CAPN3: variants seen among roughly 807,000 people sequenced by gnomAD.
CAPN3 encodes the protein calpain 3.
Under a neutral mutation model 114.0 loss-of-function variants are expected in CAPN3, and 88 were observed. That is an observed-to-expected ratio of 0.77 (90% CI 0.65 to 0.92). CAPN3 has a LOEUF of 0.92. Among genes scored for constraint, CAPN3 ranks in the 40% least tolerant of loss-of-function variants. The probability of loss-of-function intolerance (pLI) is 0.00; values close to 1 mark genes in which losing one functional copy is unlikely to be tolerated. For synonymous variants in CAPN3, 386 were observed against 382.9 expected (o/e 1.01, Z -0.09); for missense variants, 1,028 against 1,069.0 (o/e 0.96, Z 0.53).
chr15:42,390,790 G>GTTTTTTTTTTTTTTTTTTTTT (rs373599109), intron 6 of CAPN3, among the ~76,000 whole-genome samples: 14 of 110,274 alleles, frequency 1.3e-4, no homozygotes, highest in Non-Finnish European at 2.2e-4. Flanking sequence ...TTGTTTTTTT[G>GTTTTTTTTTTTTTTTTTTTTT]TTTTTTTTTT....
chr15:42,393,949 G>A (rs906982620), intron 7 of CAPN3, among the ~76,000 whole-genome samples: 1 of 151,998 alleles, frequency 6.6e-6, no homozygotes, highest in Non-Finnish European at 1.5e-5. Flanking sequence ...GTGTTAGCAG[G>A]GCCCTACTGT....
At position 42,405,025 on chromosome 15, in the gene CAPN3, T is replaced by TGC. The variant is rs2053978788; in HGVS notation, c.1783-900_1783-899insCG. 5.1e-6 allele frequency: 5 copies of TGC among 987,168 alleles called. No homozygotes were observed. In the South Asian group the frequency reaches 1.9e-4, roughly 37 times the overall value. 61.2% of individuals were successfully genotyped at this position (987,168 alleles called of 1,614,324 possible). A position where few individuals can be genotyped will look rare whatever the true frequency, so the allele number is the denominator to read the frequency against. On this transcript the variant is annotated intron_variant, in intron 14 of 23. Transcript: ENST00000397163. The stretch of plus-strand genomic sequence containing the variant: ...GACACAGTTGTCTGCAGTTCTCAAT[T>TGC]GACATTTCGCTCCAGTGTCGAGGGT...
chr15:42,389,022 G>T lies in CAPN3; in HGVS notation c.727G>T (p.Asp243Tyr), dbSNP rs756192789. ...GGVAEFFEIR[D>Y]APSDMYKIMK... ...GGTGGCAGAGTTTTTTGAGATCAGG[G>T]ATGCTCCTAGTGACATGTACAAGAT... Residue 243 changes from aspartate to tyrosine, a missense_variant, in exon 5 of 24, where the codon GAT becomes TAT. By Grantham distance (160) the Asp-to-Tyr change is radical. Transcript: ENST00000397163. 2.5e-6 allele frequency: 4 copies of T among 1,614,060 alleles called. No individual in the cohort carries two copies. The East Asian group carries it at 8.9e-5, about 36-fold the overall frequency.
intron 2 of CAPN3, chr15:42,385,557 GAGAA>G (rs1377846495): frequency 1.1e-3 from 459 of 436,778 alleles, no homozygotes; most frequent in African/African-American, 8.2e-3. Context: ...GAGAGAGAGA[GAGAA>G]AGAGAGCAAA....
At chr15:42,411,561 A>G (rs2054236844) in intron 23 of CAPN3, among the ~76,000 whole-genome samples, 186 bp from the exon 24 acceptor site, 1 of 151,920 alleles carries the variant, frequency 6.6e-6, no homozygotes, top group African/African-American at 2.4e-5. Flanking sequence ...GATGCGGGAA[A>G]ACATGCACCT....
chr15:42,384,736 A>G (rs958765831), intron 2 of CAPN3, among the ~76,000 whole-genome samples, 184 bp downstream of exon 2: 1 of 152,084 alleles, frequency 6.6e-6, no homozygotes, highest in African/African-American at 2.4e-5. Flanking sequence ...TTCCTCCTAC[A>G]TGCCTCTTTA....
intron 1 of CAPN3, among the ~76,000 whole-genome samples, chr15:42,373,826 T>A (rs2053017906): frequency 6.6e-6 from 1 of 152,158 alleles, no homozygotes; most frequent in African/African-American, 2.4e-5. Flanking sequence ...AACAATGGCA[T>A]GGAGCAGATT....
At chr15:42,406,093 C>A in intron 15 of CAPN3, 150 bp downstream of exon 15, 2 of 757,438 alleles carry the variant, frequency 2.6e-6, no homozygotes, top group South Asian at 1.5e-5. Flanking sequence ...TGGGGCCGAG[C>A]GTGCAGTAAT....
Position 42,402,807 on chromosome 15 carries a change from A to G in CAPN3, c.1550A>G (p.Lys517Arg), listed in dbSNP as rs2053910556. 1 of 1,614,060 alleles carries G rather than the reference A, an allele frequency of 6.2e-7. No homozygotes were observed. Among genetic ancestry groups the G allele is most frequent in the African/African-American group, 1.3e-5 (1 of 74,922 alleles). ...CCCATCTCTCAGATGCACGGGAACA[A>G]GCAGCACCTGCAGAAGGACTTCTTC... ...YEVPKEMHGN[K>R]QHLQKDFFLY... The change falls in exon 13 of 24, where the codon AAG (lysine) becomes AGG (arginine). Residue 517 changes from lysine (K) to arginine (R), a missense_variant. Lys to Arg is a conservative substitution (Grantham distance 26, BLOSUM62 2). Coordinates refer to ENST00000397163, the MANE Select transcript of CAPN3 (RefSeq NM_000070.3).
intron 6 of CAPN3, among the ~76,000 whole-genome samples, chr15:42,391,664 T>G (rs2053559674): frequency 6.6e-6 from 1 of 152,192 alleles, no homozygotes; most frequent in East Asian, 1.9e-4. Flanking sequence ...CTCATGGGAC[T>G]TTAGTGATCC....
At chr15:42,377,613 T>C (rs745405668) in intron 1 of CAPN3, among the ~76,000 whole-genome samples, 6 of 152,214 alleles carry the variant, frequency 3.9e-5, no homozygotes, top group Non-Finnish European at 2.9e-5. Flanking sequence ...ATAACAGATA[T>C]TGGTCTGTAG....
intron 16 of CAPN3, chr15:42,408,991 C>A: frequency 2.4e-6 from 1 of 421,454 alleles, no homozygotes; most frequent in South Asian, 2.3e-5. Flanking sequence ...CTGCGGGCAC[C>A]TTTAGTTGGA....
chr15:42,370,054 G>A (rs931600235), intron 1 of CAPN3, among the ~76,000 whole-genome samples: 5 of 151,822 alleles, frequency 3.3e-5, no homozygotes, highest in African/African-American at 1.2e-4. Context: ...TGTATTTTTA[G>A]TAGAGATGGG....
rs771263688 is a variant in CAPN3 at position 42,359,846 on chromosome 15, C to T, written c.41C>T (p.Ala14Val). The T allele has an allele frequency of 3.2e-5, 52 of 1,613,974 alleles. No homozygotes were observed. The highest frequency in any genetic ancestry group is 9.3e-5 in the African/African-American group (7 of 74,932). Reference protein sequence around the residue: ...VISASVAPRTAAEPRSPGPVP... With the variant: ...VISASVAPRTVAEPRSPGPVP... ...AGCGCATCTGTGGCTCCAAGGACAG[C>T]GGCTGAGCCCCGGTCCCCAGGGCCA... The change falls in exon 1 of 24, where the codon GCG (alanine) becomes GTG (valine). Residue 14 changes from alanine to valine, a missense_variant. Physicochemically the swap from Ala to Val is moderately conservative, Grantham distance 64. Transcript: ENST00000397163.
rs576776200 is a variant in CAPN3, at chr15:42,405,411, A to G, written c.1783-515A>G. On this transcript the variant is annotated intron_variant, in intron 14 of 23. Coordinates refer to ENST00000397163, the MANE Select transcript of CAPN3 (RefSeq NM_000070.3). ...CTGCAACCTCCGCCTCCCGGGTTCA[A>G]GCAATTCTCCTGCCTCAGCCTCCTG... Among the ~76,000 whole-genome samples the G allele has an allele frequency of 1.2e-4, 18 of 152,208 alleles. No homozygotes were observed. In the East Asian group the frequency reaches 3.3e-3, roughly 28 times the overall value.
intron 1 of CAPN3, among the ~76,000 whole-genome samples, chr15:42,368,160 C>T (rs2052837258): frequency 2.0e-5 from 3 of 152,174 alleles, no homozygotes; most frequent in Non-Finnish European, 4.4e-5. Flanking sequence ...GGTGTTTTTG[C>T]AGTCATTTGT....
intron 10 of CAPN3, among the ~76,000 whole-genome samples, chr15:42,401,021 C>A (rs1292074318): frequency 6.6e-6 from 1 of 151,984 alleles, no homozygotes; most frequent in Non-Finnish European, 1.5e-5. Context: ...TGGTGAAAAC[C>A]CATCTCTACT....
At chr15:42,383,285 A>G (rs1398569059) in intron 1 of CAPN3, among the ~76,000 whole-genome samples, 1 of 152,200 alleles carries the variant, frequency 6.6e-6, no homozygotes, top group Non-Finnish European at 1.5e-5. Context: ...GCTGAGAAGA[A>G]TGGGGCTAAA....
intron 11 of CAPN3, 79 bp from the exon 12 acceptor site, chr15:42,402,045 G>A: frequency 1.3e-6 from 2 of 1,573,252 alleles, no homozygotes; most frequent in East Asian, 2.2e-5. Flanking sequence ...CATGCGGGCT[G>A]CAGTTGCTGG....
Sources: gnomAD v4.1 joint callset for allele counts (sites outside exome capture counted in the v4.1 genomes callset) on GRCh38, gnomAD v4.1.1 for gene constraint, MANE v1.5 for transcripts, NCBI Gene and HGNC (gene_info 2026-07-23, HGNC 2026-07-21) for gene names.